ESR1: variants seen among roughly 807,000 people sequenced by gnomAD.
ESR1 encodes estrogen receptor.
A neutral mutation model predicts 52.7 loss-of-function variants in ESR1; 12 were observed. The observed-to-expected ratio is 0.23, with a 90% CI of 0.15 to 0.37. ESR1 has a LOEUF of 0.37. ESR1 is among the 10% of genes least tolerant of loss of function. The pLI, the probability that ESR1 is intolerant of heterozygous loss-of-function variation, is 1.00. For missense variants in ESR1, 584 were observed against 779.7 expected, an observed-to-expected ratio of 0.75 and a Z score of 2.99; for synonymous variants, 305 against 316.8, an observed-to-expected ratio of 0.96 and a Z score of 0.39.
intron 6 of ESR1, chr6:152,122,309 G>A (rs2152523347): frequency 1.4e-6 from 2 of 1,472,272 alleles, no homozygotes; most frequent in Non-Finnish European, 1.9e-6. Context: ...GTGATCTGGA[G>A]GAGGGCTAAA....
chr6:151,664,797 T>A (rs1026216441), intron 1 of ESR1, among the ~76,000 whole-genome samples: 7 of 152,214 alleles, frequency 4.6e-5, no homozygotes, highest in Admixed American at 3.9e-4. Context: ...GAAAAATGTA[T>A]TGTGTCTGTG....
At position 151,993,214 on chromosome 6, in the gene ESR1, C is replaced by A. The variant is rs374377549; in HGVS notation, c.1097-18442C>A. ...ATGTAAAATACAAAGTTGTCCTGGG[C>A]AACTGCCAATCTATAAAGGAGAAAA... is the stretch of plus-strand genomic sequence containing the variant. On this transcript the variant is annotated intron_variant, in intron 4 of 7. Transcript: ENST00000206249. Among the ~76,000 whole-genome samples the A allele has an allele frequency of 4.4e-4, 67 of 152,154 alleles. 2 individuals are homozygous for A. In the South Asian group the frequency reaches 0.013, roughly 30 times the overall value.
intron 2 of ESR1, among the ~76,000 whole-genome samples, chr6:151,771,194 G>T (rs1785481992): frequency 6.6e-6 from 1 of 152,128 alleles, no homozygotes. Flanking sequence ...TCTTTGTCCC[G>T]TTCTCTAGCC....
At chr6:151,876,280 T>G (rs1343089549) in intron 2 of ESR1, among the ~76,000 whole-genome samples, 4 of 152,090 alleles carry the variant, frequency 2.6e-5, no homozygotes, top group African/African-American at 9.7e-5. Context: ...GTCAGTTCTG[T>G]CTGGGGCACA....
chr6:152,086,785 C>T (rs1440199732), intron 6 of ESR1, among the ~76,000 whole-genome samples: 1 of 152,014 alleles, frequency 6.6e-6, no homozygotes, highest in Non-Finnish European at 1.5e-5. Context: ...TCTTCACTGT[C>T]GTCTCTCTTT....
chr6:151,923,484 A>G (rs2032096919), intron 3 of ESR1, among the ~76,000 whole-genome samples: 1 of 151,856 alleles, frequency 6.6e-6, no homozygotes. Context: ...CTCTAATTCA[A>G]CCCCTCCTTC....
chr6:151,695,105 A>C (rs1779238343), intron 1 of ESR1, among the ~76,000 whole-genome samples: 1 of 152,094 alleles, frequency 6.6e-6, no homozygotes, highest in Admixed American at 6.5e-5. Context: ...ATGCTCTCTG[A>C]TTTCTTTTGA....
chr6:151,948,356 T>C (rs867206121), intron 4 of ESR1, among the ~76,000 whole-genome samples: 1 of 152,214 alleles, frequency 6.6e-6, no homozygotes, highest in Non-Finnish European at 1.5e-5. Context: ...CTATATATTT[T>C]ATGAAGATTT....
chr6:151,825,815 A>G (rs548603535), intron 1 of ESR1, among the ~76,000 whole-genome samples: 40 of 151,246 alleles, frequency 2.6e-4, no homozygotes, highest in South Asian at 1.7e-3. Context: ...GGAGGCTGAG[A>G]CAGGAGAATC....
At chr6:151,991,408 A>T (rs1375542949) in intron 4 of ESR1, among the ~76,000 whole-genome samples, 1 of 152,124 alleles carries the variant, frequency 6.6e-6, no homozygotes, top group Non-Finnish European at 1.5e-5. Context: ...TATTAAAAAG[A>T]GTTTCTAATC....
chr6:151,800,638 A>C (rs1777146827), upstream of ESR1, among the ~76,000 whole-genome samples: 1 of 152,142 alleles, frequency 6.6e-6, no homozygotes, highest in Admixed American at 6.5e-5. Flanking sequence ...CACTGAGAAA[A>C]TAAATCGCTG....
intron 6 of ESR1, among the ~76,000 whole-genome samples, chr6:152,110,037 C>T (rs1185455262): frequency 6.6e-6 from 1 of 152,210 alleles, no homozygotes; most frequent in Non-Finnish European, 1.5e-5. Context: ...AGGTAATCCT[C>T]ACAGCTACCA....
intron 2 of ESR1, among the ~76,000 whole-genome samples, chr6:151,721,749 C>T (rs1781477300): frequency 6.6e-6 from 1 of 152,220 alleles, no homozygotes. Flanking sequence ...TCCAGAAATT[C>T]AGTATATCAG....
chr6:152,030,891 A>C (rs572837529), intron 5 of ESR1, among the ~76,000 whole-genome samples: 1 of 152,328 alleles, frequency 6.6e-6, no homozygotes, highest in South Asian at 2.1e-4. Context: ...GTTGGAAGTA[A>C]AACACTCCTC....
intron 2 of ESR1, among the ~76,000 whole-genome samples, chr6:151,795,383 A>G (rs1261026756): frequency 1.3e-5 from 2 of 151,370 alleles, no homozygotes; most frequent in Non-Finnish European, 2.9e-5. Context: ...GCTACTTGGG[A>G]GACTGAGGCA....
chr6:151,798,157 G>C (rs1281046687), intron 2 of ESR1, among the ~76,000 whole-genome samples: 1 of 152,100 alleles, frequency 6.6e-6, no homozygotes, highest in Non-Finnish European at 1.5e-5. Context: ...GAGAGATGAG[G>C]ACACATACGT....
At chr6:151,781,754 C>T (rs1786559707) in intron 2 of ESR1, among the ~76,000 whole-genome samples, 1 of 151,592 alleles carries the variant, frequency 6.6e-6, no homozygotes, top group Admixed American at 6.6e-5. Flanking sequence ...AATAAAATAT[C>T]TTCCTACTAA....
At chr6:152,108,902 T>C (rs780792826) in intron 6 of ESR1, among the ~76,000 whole-genome samples, 5 of 152,182 alleles carry the variant, frequency 3.3e-5, no homozygotes, top group Non-Finnish European at 7.3e-5. Flanking sequence ...GCCTGGGTAA[T>C]TTATAAAGAA....
In ESR1 at chr6:151,842,870, A is replaced by G. The variant is rs3734807; in HGVS notation, c.643+83A>G. On this transcript the variant is annotated intron_variant, in intron 2 of 7. Transcript: ENST00000206249. ...CAAAGCGACTGAGGAAGGAAGACAT[A>G]GAATCAGCCATTTGTACAAAACATG... 268 of 1,195,310 alleles carry G rather than the reference A, an allele frequency of 2.2e-4. 4 individuals are homozygous for G. The East Asian group carries it at 6.0e-3, about 27-fold the overall frequency. 74.0% of individuals were successfully genotyped at this position (1,195,310 alleles called of 1,614,324 possible). A position where few individuals can be genotyped will look rare whatever the true frequency, so the allele number is the denominator to read the frequency against.
Sources: gnomAD v4.1 joint callset for allele counts (sites outside exome capture counted in the v4.1 genomes callset) on GRCh38, gnomAD v4.1.1 for gene constraint, MANE v1.5 for transcripts, NCBI Gene and HGNC (gene_info 2026-07-23, HGNC 2026-07-21) for gene names.